Variants in C1QTNF7 observed in about 807,000 individuals in gnomAD.
C1QTNF7 encodes the protein complement C1q tumor necrosis factor-related protein 7.
A neutral mutation model predicts 19.6 loss-of-function variants in C1QTNF7; 15 were observed. The observed-to-expected ratio is 0.76, with a 90% CI of 0.51 to 1.18. The LOEUF (loss-of-function observed/expected upper bound fraction) is 1.18, where lower values mean the gene tolerates loss of function less well. Ranked by LOEUF, C1QTNF7 falls within the 50% of genes most tolerant of loss-of-function variation. The pLI, the probability that C1QTNF7 is intolerant of heterozygous loss-of-function variation, is 0.00. For missense variants in C1QTNF7, 324 were observed against 359.7 expected, an observed-to-expected ratio of 0.90 and a Z score of 0.80; for synonymous variants, 142 against 137.5, an observed-to-expected ratio of 1.03 and a Z score of -0.23.
intron 1 of C1QTNF7, among the ~76,000 whole-genome samples, chr4:15,390,789 A>C (rs1265827225): frequency 6.6e-6 from 1 of 152,204 alleles, no homozygotes; most frequent in Non-Finnish European, 1.5e-5. Context: ...AAGAACTTTT[A>C]AAGTAATAGA....
At chr4:15,387,093 G>T (rs757237449) in intron 1 of C1QTNF7, among the ~76,000 whole-genome samples, 1 of 152,168 alleles carries the variant, frequency 6.6e-6, no homozygotes, top group Non-Finnish European at 1.5e-5. Context: ...GACACTTGAG[G>T]TGATGTTTAT....
At chr4:15,406,018 A>C (rs1049243591) in intron 1 of C1QTNF7, among the ~76,000 whole-genome samples, 2 of 152,078 alleles carry the variant, frequency 1.3e-5, no homozygotes, top group East Asian at 3.9e-4. Flanking sequence ...CCTCAAAGAC[A>C]CCTCTGACCC....
At position 15,340,975 on chromosome 4, in the gene C1QTNF7, G is replaced by A. The variant is rs78411564; in HGVS notation, c.13+768G>A. 6.3e-3 allele frequency among the ~76,000 whole-genome samples: 960 copies of A among 152,294 alleles called. 17 individuals carry two copies. The highest frequency in any genetic ancestry group is 0.022 in the African/African-American group (922 of 41,574). On this transcript the variant is annotated intron_variant, in intron 1 of 2. Coordinates refer to the C1QTNF7 transcript ENST00000295297. ...GTATCTTGTGCATTGAGGTGGAGGG[G>A]CATATAAATATGAGATGTGTTGTTC...
intron 1 of C1QTNF7, chr4:15,374,057 C>G (rs1717832471): frequency 6.6e-6 from 1 of 152,190 alleles, no homozygotes. Flanking sequence ...GGGCCATGTC[C>G]AGTGATAGGT....
chr4:15,387,055 C>T (rs1220174325), intron 1 of C1QTNF7, among the ~76,000 whole-genome samples: 2 of 152,090 alleles, frequency 1.3e-5, no homozygotes, highest in Admixed American at 6.5e-5. Flanking sequence ...AGGAAGGTGG[C>T]AGCAGTAGGT....
chr4:15,433,995 AT>A (rs552802126), intron 1 of C1QTNF7, among the ~76,000 whole-genome samples: 2 of 151,202 alleles, frequency 1.3e-5, no homozygotes, highest in East Asian at 1.9e-4. Flanking sequence ...CTTTCCATAT[AT>A]TTTTTTTTCA....
At chr4:15,408,166 G>A (rs1016406178) in intron 1 of C1QTNF7, among the ~76,000 whole-genome samples, 9 of 151,408 alleles carry the variant, frequency 5.9e-5, no homozygotes, top group South Asian at 2.1e-4. Flanking sequence ...CCAGCTACTC[G>A]GGAGGCTGAG....
intron 1 of C1QTNF7, among the ~76,000 whole-genome samples, chr4:15,377,217 T>G (rs1467509507): frequency 6.6e-6 from 1 of 152,222 alleles, no homozygotes; most frequent in Admixed American, 6.5e-5. Context: ...AAAGTCCTGA[T>G]AGAGATGAGA....
At chr4:15,386,818 C>T (rs1718353123) in intron 1 of C1QTNF7, among the ~76,000 whole-genome samples, 1 of 152,070 alleles carries the variant, frequency 6.6e-6, no homozygotes, top group African/African-American at 2.4e-5. Context: ...ATAGGGTGGC[C>T]AGAGTTGAAG....
rs1432115457 is a variant in C1QTNF7 at position 15,444,609 on chromosome 4, A to G, written c.*1810A>G. On this transcript the variant is annotated 3_prime_UTR_variant, in exon 3 of 3. Transcript: ENST00000444304. ...GGAAATGGCATGCACACACACAAAA[A>G]ATACCTAAATTTTGGATGAGAAAAT... The G allele has an allele frequency of 1.3e-5, 2 of 152,240 alleles. No individual in the cohort carries two copies. Among genetic ancestry groups the G allele is most frequent in the Non-Finnish European group, 2.9e-5 (2 of 68,038 alleles). 9.4% of individuals were successfully genotyped at this position (152,240 alleles called of 1,614,324 possible). A position where few individuals can be genotyped will look rare whatever the true frequency, so the allele number is the denominator to read the frequency against.
At chr4:15,420,255 C>T (rs1225432096) in intron 1 of C1QTNF7, among the ~76,000 whole-genome samples, 2 of 152,186 alleles carry the variant, frequency 1.3e-5, no homozygotes, top group African/African-American at 4.8e-5. Flanking sequence ...CATGAAAAAA[C>T]TACTTATTCC....
chr4:15,387,662 A>G (rs923117223), intron 1 of C1QTNF7, among the ~76,000 whole-genome samples: 1 of 152,170 alleles, frequency 6.6e-6, no homozygotes, highest in African/African-American at 2.4e-5. Context: ...GTAGAGAGTG[A>G]ATAGAAATCC....
At chr4:15,356,516 G>A (rs1156360315) in intron 1 of C1QTNF7, among the ~76,000 whole-genome samples, 1 of 152,140 alleles carries the variant, frequency 6.6e-6, no homozygotes, top group Non-Finnish European at 1.5e-5. Context: ...GCATTGGGTT[G>A]GTTCCAAGTC....
At chr4:15,370,975 T>C (rs1417959614) in intron 1 of C1QTNF7, among the ~76,000 whole-genome samples, 1 of 152,236 alleles carries the variant, frequency 6.6e-6, no homozygotes, top group East Asian at 1.9e-4. Flanking sequence ...CATGCTGTCA[T>C]TCCGTTTCTT....
At chr4:15,402,960 G>T (rs78245492) in intron 1 of C1QTNF7, among the ~76,000 whole-genome samples, 9,245 of 149,818 alleles carry the variant, frequency 0.062, 532 homozygotes, top group Admixed American at 0.19. Context: ...AGAGGTGAAA[G>T]TTTGTTTTGC....
chr4:15,345,155 G>C (rs1251019082), intron 1 of C1QTNF7, among the ~76,000 whole-genome samples: 1 of 152,174 alleles, frequency 6.6e-6, no homozygotes, highest in East Asian at 1.9e-4. Flanking sequence ...ATGCCAGCAG[G>C]AACTTTAGTT....
intron 1 of C1QTNF7, among the ~76,000 whole-genome samples, chr4:15,409,003 C>A (rs778184362): frequency 2.0e-5 from 3 of 152,114 alleles, no homozygotes; most frequent in Non-Finnish European, 2.9e-5. Flanking sequence ...CTGACTAAGA[C>A]CCCCAGTCTC....
upstream of C1QTNF7, among the ~76,000 whole-genome samples, chr4:15,423,573 G>T (rs16891929): frequency 1.3e-5 from 2 of 152,044 alleles, no homozygotes; most frequent in East Asian, 3.9e-4. Flanking sequence ...CAACAGCCTG[G>T]TTCATGAAAT....
intron 1 of C1QTNF7, among the ~76,000 whole-genome samples, chr4:15,344,292 C>T (rs192927469): frequency 2.2e-4 from 34 of 152,238 alleles, no homozygotes; most frequent in African/African-American, 6.7e-4. Flanking sequence ...AAGAAAGTAA[C>T]GTGATGAAAA....
Sources: gnomAD v4.1 joint callset for allele counts (sites outside exome capture counted in the v4.1 genomes callset) on GRCh38, gnomAD v4.1.1 for gene constraint, MANE v1.5 for transcripts, NCBI Gene and HGNC (gene_info 2026-07-23, HGNC 2026-07-21) for gene names.